The following CCDC178 variants were observed in gnomAD, a reference collection of about 807,000 sequenced individuals.
CCDC178 encodes the protein coiled-coil domain-containing protein 178.
In CCDC178, 126 loss-of-function variants were observed where a neutral mutation model predicts 117.4. The ratio of observed to expected loss-of-function variants is 1.07; its 90% CI spans 0.93 to 1.24. CCDC178 has a LOEUF of 1.24. CCDC178 is among the 50% of genes most tolerant of loss of function. The probability of loss-of-function intolerance (pLI) is 0.00; values close to 1 mark genes in which losing one functional copy is unlikely to be tolerated. For synonymous variants in CCDC178, 283 were observed against 313.4 expected, an observed-to-expected ratio of 0.90 and a Z score of 1.02; for missense variants, 1,030 against 986.9, an observed-to-expected ratio of 1.04 and a Z score of -0.59.
chr18:33,132,339 T>C (rs1298201226), intron 20 of CCDC178, among the ~76,000 whole-genome samples: 1 of 151,750 alleles, frequency 6.6e-6, no homozygotes, highest in Non-Finnish European at 1.5e-5. Context: ...TGTTTTCATG[T>C]AATCTAAAAG....
At chr18:32,982,368 A>G (rs2055171114) in intron 21 of CCDC178, among the ~76,000 whole-genome samples, 1 of 152,170 alleles carries the variant, frequency 6.6e-6, no homozygotes, top group Non-Finnish European at 1.5e-5. Context: ...TGAACTATAA[A>G]TTGTTTTGCC....
intron 5 of CCDC178, among the ~76,000 whole-genome samples, chr18:33,370,681 A>G (rs2144759376): frequency 6.6e-6 from 1 of 152,152 alleles, no homozygotes; most frequent in South Asian, 2.1e-4. Context: ...GCTGAAAAAA[A>G]TAAAAGCAGG....
chr18:33,339,383 C>G (rs1200360805), intron 9 of CCDC178, among the ~76,000 whole-genome samples: 1 of 151,344 alleles, frequency 6.6e-6, no homozygotes, highest in African/African-American at 2.4e-5. Context: ...GCACAAATTA[C>G]CAAAGTTAGG....
intron 21 of CCDC178, among the ~76,000 whole-genome samples, chr18:33,016,288 AAGG>A (rs1175187388): frequency 2.0e-5 from 3 of 152,118 alleles, no homozygotes; most frequent in South Asian, 2.1e-4. Flanking sequence ...TTCAAAAATG[AAGG>A]AGAAGTTAAG....
chr18:33,333,275 G>C lies in CCDC178; in HGVS notation c.778C>G (p.Gln260Glu). The C allele has an allele frequency of 6.2e-7, 1 of 1,612,436 alleles. No homozygotes were observed. Among genetic ancestry groups the C allele is most frequent in the Non-Finnish European group, 8.5e-7 (1 of 1,178,970 alleles). ...TCATTCATGTAGTCTATGTCTGCTT[G>C]AATCTTTGCATTTGCTTCTTCTAAC... ...TELEEANAKI[Q>E]ADIDYMNEHG... The change falls in exon 10 of 23, where the codon CAA becomes GAA. Residue 260 changes from glutamine to glutamate, a missense_variant. Physicochemically the swap from Gln to Glu is conservative, Grantham distance 29. Coordinates refer to ENST00000383096, the MANE Select transcript of CCDC178 (RefSeq NM_001105528.4).
chr18:33,373,255 A>C (rs2063323951), intron 5 of CCDC178, among the ~76,000 whole-genome samples: 1 of 152,170 alleles, frequency 6.6e-6, no homozygotes, highest in African/African-American at 2.4e-5. Flanking sequence ...GGACTCTCAG[A>C]GTCAGAAGTG....
chr18:33,194,326 T>A (rs1414586681), intron 20 of CCDC178, among the ~76,000 whole-genome samples: 1 of 152,172 alleles, frequency 6.6e-6, no homozygotes, highest in African/African-American at 2.4e-5. Context: ...ATGAAATAGG[T>A]AATCCTGGAG....
intron 9 of CCDC178, among the ~76,000 whole-genome samples, chr18:33,335,943 G>A (rs987451319): frequency 1.3e-5 from 2 of 151,934 alleles, no homozygotes; most frequent in African/African-American, 2.4e-5. Flanking sequence ...TAAATTTTTC[G>A]TGCCTGGGTT....
intron 2 of CCDC178, among the ~76,000 whole-genome samples, chr18:33,433,334 TA>T (rs1043053918): frequency 6.6e-6 from 1 of 152,120 alleles, no homozygotes; most frequent in African/African-American, 2.4e-5. Context: ...TGTTGCTAAA[TA>T]AAAAAACTTC....
At chr18:33,059,727 T>C (rs556848019) in intron 21 of CCDC178, among the ~76,000 whole-genome samples, 1 of 151,978 alleles carries the variant, frequency 6.6e-6, no homozygotes, top group South Asian at 2.1e-4. Flanking sequence ...TATTTCACTC[T>C]ATCCTAAGTT....
chr18:33,141,763 C>T (rs2058208230), intron 20 of CCDC178, among the ~76,000 whole-genome samples: 1 of 152,150 alleles, frequency 6.6e-6, no homozygotes, highest in Non-Finnish European at 1.5e-5. Flanking sequence ...TAACTTTAGA[C>T]CTACTTTCCC....
rs9951346 is a variant in CCDC178, at chr18:33,239,185, C to T, written c.1593+6060G>A. Among the ~76,000 whole-genome samples, 1,190 of 152,118 alleles carry T rather than the reference C, an allele frequency of 7.8e-3. 12 individuals carry two copies. Among genetic ancestry groups the T allele is most frequent in the African/African-American group, 0.027 (1,108 of 41,552 alleles). The stretch of plus-strand genomic sequence containing the variant: ...GGAAAACATGCAAAACTATAAGACT[C>T]ACTGGCAGAGCCAATATACACAGTA... On this transcript the variant is annotated intron_variant, in intron 15 of 22. Transcript: ENST00000383096.
At position 33,403,732 on chromosome 18, in the gene CCDC178, A is replaced by C. The variant is rs2063742493; in HGVS notation, c.59-6524T>G. ...AAACTGGAGGGTCAGGCTAATGCAGAAGTTGCTGGAGCCAAAAATGGGTAG... is the reference window on the plus strand; with the variant it reads ...AAACTGGAGGGTCAGGCTAATGCAGCAGTTGCTGGAGCCAAAAATGGGTAG... On this transcript the variant is annotated intron_variant, in intron 3 of 22. Coordinates refer to ENST00000383096, the MANE Select transcript of CCDC178 (RefSeq NM_001105528.4). Among the ~76,000 whole-genome samples the C allele has an allele frequency of 2.6e-5, 4 of 152,318 alleles. No individual in the cohort carries two copies. The South Asian group carries it at 8.3e-4, about 32-fold the overall frequency.
chr18:33,159,145 G>C (rs975210285), intron 20 of CCDC178, among the ~76,000 whole-genome samples: 1 of 151,846 alleles, frequency 6.6e-6, no homozygotes, highest in Non-Finnish European at 1.5e-5. Flanking sequence ...TACATTTTTG[G>C]GCCATTTTCT....
At chr18:33,081,759 A>T (rs1324551057) in intron 21 of CCDC178, among the ~76,000 whole-genome samples, 1 of 152,162 alleles carries the variant, frequency 6.6e-6, no homozygotes, top group Admixed American at 6.5e-5. Flanking sequence ...AACCTCACAA[A>T]ATTCTAAACA....
intron 20 of CCDC178, among the ~76,000 whole-genome samples, chr18:33,205,658 A>G (rs1262515573): frequency 6.6e-6 from 1 of 152,230 alleles, no homozygotes; most frequent in African/African-American, 2.4e-5. Flanking sequence ...TTATTTGCTC[A>G]GAAATTCTCT....
intron 20 of CCDC178, among the ~76,000 whole-genome samples, chr18:33,128,874 C>T (rs2058038923): frequency 6.6e-6 from 1 of 152,178 alleles, no homozygotes; most frequent in Non-Finnish European, 1.5e-5. Flanking sequence ...GCAAATAATT[C>T]TGTTCCAACT....
intron 12 of CCDC178, among the ~76,000 whole-genome samples, chr18:33,270,026 A>C (rs914678043): frequency 1.3e-5 from 2 of 151,788 alleles, no homozygotes; most frequent in African/African-American, 4.8e-5. Flanking sequence ...CTATTAATAA[A>C]GTGATATAAA....
At chr18:33,153,419 C>G in intron 20 of CCDC178, among the ~76,000 whole-genome samples, 1 of 151,802 alleles carries the variant, frequency 6.6e-6, no homozygotes, top group East Asian at 1.9e-4. Context: ...AACAAATACA[C>G]AGGGAAAGAA....
Sources: gnomAD v4.1 joint callset for allele counts (sites outside exome capture counted in the v4.1 genomes callset) on GRCh38, gnomAD v4.1.1 for gene constraint, MANE v1.5 for transcripts, NCBI Gene and HGNC (gene_info 2026-07-23, HGNC 2026-07-21) for gene names.